Variants in RAPGEF2 observed in about 807,000 individuals in gnomAD.
RAPGEF2 encodes Rap guanine nucleotide exchange factor 2, also known as PDZ domain containing guanine nucleotide exchange factor (GEF) 1.
A neutral mutation model predicts 186.7 loss-of-function variants in RAPGEF2; 54 were observed. The ratio of observed to expected loss-of-function variants is 0.29; its 90% CI spans 0.23 to 0.36. RAPGEF2 has a LOEUF of 0.36. Among genes scored for constraint, RAPGEF2 ranks in the 10% least tolerant of loss-of-function variants. The pLI is 1.00. For missense variants in RAPGEF2, 1,532 were observed against 2,045.0 expected (o/e 0.75, Z 4.84); for synonymous variants, 712 against 705.9 (o/e 1.01, Z -0.14).
At chr4:159,337,731 TACAAAAAA>T (rs1767627165) in intron 17 of RAPGEF2, among the ~76,000 whole-genome samples, 1 of 147,664 alleles carries the variant, frequency 6.8e-6, no homozygotes, top group Non-Finnish European at 1.5e-5. Context: ...CTACTCAAAA[TACAAAAAA>T]ATTAGCCGGG....
rs757400522 is a variant in RAPGEF2, at chr4:159,338,475, A to G, written c.2293+7A>G. 1 of 1,604,566 alleles carries G rather than the reference A, an allele frequency of 6.2e-7. No homozygotes were observed. Among genetic ancestry groups the G allele is most frequent in the South Asian group, 1.1e-5 (1 of 90,254 alleles). On this transcript the variant is annotated splice_region_variant and intron_variant, in intron 18 of 29. Transcript: ENST00000691494. The stretch of plus-strand genomic sequence containing the variant: ...GACTTCAGTGCTACTCCTGGTGAGT[A>G]TCACCAACACTTCTTTTGTTTTCTT...
At position 159,123,676 on chromosome 4, in the gene RAPGEF2, G is replaced by C. The variant is rs771605354; in HGVS notation, c.69+19445G>C. Among the ~76,000 whole-genome samples the C allele has an allele frequency of 6.0e-5, 9 of 150,550 alleles. No individual in the cohort carries two copies. In the Admixed American group the frequency reaches 6.0e-4, roughly 10 times the overall value. ...TGGGACTACAGGCGCCCACCACCGC[G>C]CCCGGCTAATTTTTTGTGTTTTTAG... On this transcript the variant is annotated intron_variant, in intron 1 of 29. Coordinates refer to ENST00000691494, the MANE Select transcript of RAPGEF2 (RefSeq NM_001394067.2).
intron 1 of RAPGEF2, among the ~76,000 whole-genome samples, chr4:159,105,069 T>C (rs1245076830): frequency 1.3e-5 from 2 of 152,212 alleles, no homozygotes; most frequent in Non-Finnish European, 2.9e-5. Flanking sequence ...CTCTTACTTA[T>C]AGCGGCTGAT....
At chr4:159,358,074 T>C (rs1425310021) in intron 29 of RAPGEF2, 40 bp from the exon 30 acceptor site, 11 of 1,601,548 alleles carry the variant, frequency 6.9e-6, no homozygotes, top group Non-Finnish European at 9.4e-6. Flanking sequence ...AATTACTTGC[T>C]TGCTCATTGA....
chr4:159,323,720 ATT>A (rs33969988), intron 11 of RAPGEF2, 103 bp downstream of exon 11: 2,255 of 480,346 alleles, frequency 4.7e-3, no homozygotes, highest in East Asian at 0.011. Context: ...CTTACAAATA[ATT>A]TTTTTTTTTT....
chr4:159,355,878 G>GCGGGCCC lies in RAPGEF2; in HGVS notation c.4678_4679insGGGCCCC (p.Pro1560ArgfsTer17). ...CACGAAAGGAGGGCAGGTATCGAGAGCCCCCGCCCACCCCTCCCGGCTACA... is the reference window on the plus strand; with the variant it reads ...CACGAAAGGAGGGCAGGTATCGAGAGCGGGCCCCCCCCGCCCACCCCTCCCGGCTACA... On this transcript the variant is annotated frameshift_variant, in exon 29 of 30. Coordinates refer to ENST00000691494, the MANE Select transcript of RAPGEF2 (RefSeq NM_001394067.2). LOFTEE classifies it high-confidence loss of function. 1 of 1,515,856 alleles carries GCGGGCCC rather than the reference G, an allele frequency of 6.6e-7. No homozygotes were observed. The highest frequency in any genetic ancestry group is 8.9e-7 in the Non-Finnish European group (1 of 1,117,992). 93.9% of individuals were successfully genotyped at this position (1,515,856 alleles called of 1,614,324 possible).
intron 1 of RAPGEF2, among the ~76,000 whole-genome samples, chr4:159,175,307 G>T (rs562166844): frequency 6.2e-4 from 93 of 149,964 alleles, no homozygotes; most frequent in African/African-American, 1.9e-3. Context: ...TTTTTTTTTT[G>T]AAAACCATAC....
At chr4:159,172,037 G>T (rs1399704621) in intron 1 of RAPGEF2, among the ~76,000 whole-genome samples, 3 of 151,956 alleles carry the variant, frequency 2.0e-5, no homozygotes, top group East Asian at 1.9e-4. Context: ...ATAAAAAAAA[G>T]GGAAGGTTAC....
At chr4:159,109,350 TTTAGAC>T (rs1738240755) in intron 1 of RAPGEF2, among the ~76,000 whole-genome samples, 2 of 152,018 alleles carry the variant, frequency 1.3e-5, no homozygotes, top group Non-Finnish European at 2.9e-5. Flanking sequence ...GTAAATTTGA[TTTAGAC>T]TTAGGAGATA....
intron 6 of RAPGEF2, among the ~76,000 whole-genome samples, chr4:159,242,206 T>A (rs2111479941): frequency 6.6e-6 from 1 of 152,020 alleles, no homozygotes; most frequent in East Asian, 1.9e-4. Flanking sequence ...CCTGGATATG[T>A]CATAATAATG....
chr4:159,146,688 A>G (rs1489855286), intron 1 of RAPGEF2, among the ~76,000 whole-genome samples: 1 of 152,208 alleles, frequency 6.6e-6, no homozygotes, highest in African/African-American at 2.4e-5. Flanking sequence ...ATTTGAATCC[A>G]GGTTACCTGG....
chr4:159,177,093 T>G (rs1385911603), intron 1 of RAPGEF2, among the ~76,000 whole-genome samples: 1 of 152,194 alleles, frequency 6.6e-6, no homozygotes, highest in Non-Finnish European at 1.5e-5. Context: ...GGAAAGTATA[T>G]TTATAACAGA....
At chr4:159,251,265 C>T (rs1007737286) in intron 7 of RAPGEF2, among the ~76,000 whole-genome samples, 3 of 152,242 alleles carry the variant, frequency 2.0e-5, no homozygotes, top group African/African-American at 7.2e-5. Context: ...GGGCGCCGTC[C>T]CTTGCTCTGC....
intron 17 of RAPGEF2, among the ~76,000 whole-genome samples, chr4:159,335,254 T>C (rs1017812471): frequency 6.6e-6 from 1 of 152,180 alleles, no homozygotes; most frequent in Non-Finnish European, 1.5e-5. Flanking sequence ...GAATTCAGAT[T>C]TGGTTGCCAA....
intron 1 of RAPGEF2, among the ~76,000 whole-genome samples, chr4:159,168,839 GAGA>G (rs1745601728): frequency 6.6e-6 from 1 of 152,052 alleles, no homozygotes; most frequent in African/African-American, 2.4e-5. Flanking sequence ...AAGGCTAGAA[GAGA>G]AGAATATATG....
rs765397284 is a variant in RAPGEF2 at position 159,323,567 on chromosome 4, G to C, written c.1099G>C (p.Asp367His). The change falls in exon 11 of 30, where the codon GAC becomes CAC. Residue 367 changes from aspartate to histidine, a missense_variant. Asp to His is a moderately conservative substitution (Grantham distance 81, BLOSUM62 -1). Coordinates refer to ENST00000691494, the MANE Select transcript of RAPGEF2 (RefSeq NM_001394067.2). The part of the protein sequence containing the change: ...GNSFGVSPTM[D>H]KEYMKGVMRT... ...TAGTTTTGGTGTCTCTCCTACCATGGACAAAGAATACATGAAAGGAGTGAT... is the reference window on the plus strand; with the variant it reads ...TAGTTTTGGTGTCTCTCCTACCATGCACAAAGAATACATGAAAGGAGTGAT... 6.2e-7 allele frequency: 1 copy of C among 1,611,498 alleles called. No individual in the cohort carries two copies. Among genetic ancestry groups the C allele is most frequent in the Admixed American group, 1.7e-5 (1 of 59,802 alleles).
At chr4:159,298,390 G>T (rs1485457632) in intron 7 of RAPGEF2, among the ~76,000 whole-genome samples, 1 of 152,084 alleles carries the variant, frequency 6.6e-6, no homozygotes, top group Non-Finnish European at 1.5e-5. Flanking sequence ...AAATTACTGT[G>T]GTGAATAATA....
intron 4 of RAPGEF2, among the ~76,000 whole-genome samples, chr4:159,217,308 ATTC>A (rs1346400622): frequency 6.6e-6 from 1 of 152,118 alleles, no homozygotes; most frequent in Admixed American, 6.6e-5. Flanking sequence ...TAGCTTTTCA[ATTC>A]TTGCCCGCTT....
intron 4 of RAPGEF2, among the ~76,000 whole-genome samples, chr4:159,212,235 A>G (rs977315087): frequency 6.6e-6 from 1 of 152,186 alleles, no homozygotes; most frequent in African/African-American, 2.4e-5. Context: ...TTGGAATCGT[A>G]AAGCTCTTCC....
Sources: gnomAD v4.1 joint callset for allele counts (sites outside exome capture counted in the v4.1 genomes callset) on GRCh38, gnomAD v4.1.1 for gene constraint, MANE v1.5 for transcripts, NCBI Gene and HGNC (gene_info 2026-07-23, HGNC 2026-07-21) for gene names.